Variants in ASIC5 observed in about 807,000 individuals in gnomAD.
ASIC5 encodes bile acid-sensitive ion channel.
In ASIC5, 52 loss-of-function variants were observed where a neutral mutation model predicts 51.2. The ratio of observed to expected loss-of-function variants is 1.02; its 90% CI spans 0.81 to 1.28. ASIC5 has a LOEUF of 1.28. ASIC5 is among the 50% of genes most tolerant of loss of function. The pLI is 0.00. For missense variants in ASIC5, 635 were observed against 595.0 expected (o/e 1.07, Z -0.70); for synonymous variants, 231 against 200.7 (o/e 1.15, Z -1.28).
rs192229530 is a variant in ASIC5 at position 155,862,889 on chromosome 4, G to T, written c.347+559C>A. Among the ~76,000 whole-genome samples, 8 of 152,240 alleles carry T rather than the reference G, an allele frequency of 5.3e-5. No homozygotes were observed. In the East Asian group the frequency reaches 1.4e-3, roughly 26 times the overall value. On this transcript the variant is annotated intron_variant, in intron 2 of 9. Transcript: ENST00000537611. ...AGCTGTAATCATCTTTTAATACCCAGATTTCCATAACACCCAAGATGGAGA... is the reference window on the plus strand; with the variant it reads ...AGCTGTAATCATCTTTTAATACCCATATTTCCATAACACCCAAGATGGAGA...
intron 4 of ASIC5, 66 bp from the exon 5 acceptor site, chr4:155,843,896 A>T: frequency 1.4e-6 from 2 of 1,475,704 alleles, no homozygotes; most frequent in Non-Finnish European, 1.9e-6. Context: ...CAAGTTTAGG[A>T]TTTAGTTTTA....
At chr4:155,833,727 C>G (rs957055234) in intron 8 of ASIC5, among the ~76,000 whole-genome samples, 11 of 152,164 alleles carry the variant, frequency 7.2e-5, no homozygotes, top group African/African-American at 2.4e-4. Flanking sequence ...CAAGCATTAT[C>G]CACCTGTGAT....
At chr4:155,865,313 A>G (rs1166410539) in intron 1 of ASIC5, among the ~76,000 whole-genome samples, 1 of 152,144 alleles carries the variant, frequency 6.6e-6, no homozygotes, top group Non-Finnish European at 1.5e-5. Flanking sequence ...ATAATCCCAG[A>G]GAAAAATCAG....
At chr4:155,845,976 T>C (rs1741233475) in intron 4 of ASIC5, among the ~76,000 whole-genome samples, 1 of 152,090 alleles carries the variant, frequency 6.6e-6, no homozygotes, top group African/African-American at 2.4e-5. Context: ...TGTACCTTTA[T>C]TGGCATACCT....
chr4:155,857,720 C>A (rs906874236), intron 2 of ASIC5, among the ~76,000 whole-genome samples: 2 of 151,984 alleles, frequency 1.3e-5, no homozygotes, highest in Admixed American at 6.6e-5. Flanking sequence ...TTATTTGAGT[C>A]CTGCCAAAAC....
intron 4 of ASIC5, among the ~76,000 whole-genome samples, chr4:155,849,627 T>C (rs1741333009): frequency 6.6e-6 from 1 of 152,078 alleles, no homozygotes; most frequent in Non-Finnish European, 1.5e-5. Flanking sequence ...TGCCCAGTGT[T>C]TTTCAATTTT....
chr4:155,861,545 C>T (rs1015923292), intron 2 of ASIC5, among the ~76,000 whole-genome samples: 4 of 151,800 alleles, frequency 2.6e-5, no homozygotes, highest in African/African-American at 7.3e-5. Context: ...TTACTTTTAA[C>T]CCATTTGCAT....
intron 6 of ASIC5, among the ~76,000 whole-genome samples, chr4:155,841,189 A>C (rs1427763120): frequency 6.6e-6 from 1 of 152,182 alleles, no homozygotes; most frequent in Non-Finnish European, 1.5e-5. Flanking sequence ...AGCTCTGTCT[A>C]GGCAGCAGGC....
chr4:155,865,076 A>T (rs1213285130), intron 1 of ASIC5: 1 of 152,034 alleles, frequency 6.6e-6, no homozygotes, highest in Non-Finnish European at 1.5e-5. Context: ...CAGTTATAGG[A>T]CATATGCTAT....
At chr4:155,853,340 G>C (rs981251972) in intron 3 of ASIC5, among the ~76,000 whole-genome samples, 2 of 151,834 alleles carry the variant, frequency 1.3e-5, no homozygotes, top group African/African-American at 4.8e-5. Context: ...GAAGAACAAA[G>C]AATTTGTGTT....
intron 2 of ASIC5, among the ~76,000 whole-genome samples, chr4:155,857,857 C>A (rs964034022): frequency 2.0e-5 from 3 of 152,162 alleles, no homozygotes; most frequent in South Asian, 4.1e-4. Context: ...ACTAATGAAA[C>A]CTTTGTTGTG....
intron 2 of ASIC5, among the ~76,000 whole-genome samples, chr4:155,856,521 ACT>A (rs1741544518): frequency 6.6e-6 from 1 of 151,924 alleles, no homozygotes; most frequent in East Asian, 1.9e-4. Flanking sequence ...AGGTCCTAAA[ACT>A]CTGTAAATAT....
In ASIC5 at chr4:155,842,329, C is replaced by T. The variant is rs774833488; in HGVS notation, c.887G>A (p.Gly296Glu). 1.2e-6 allele frequency: 2 copies of T among 1,612,938 alleles called. No homozygotes were observed. The highest frequency in any genetic ancestry group is 3.3e-5 in the Admixed American group (2 of 59,872). Residue 296 changes from glycine to glutamate, a missense_variant, in exon 6 of 10, where the codon GGA (glycine) becomes GAA (glutamate). Coordinates refer to ENST00000537611, the MANE Select transcript of ASIC5 (RefSeq NM_017419.3). Reference protein sequence around the residue: ...VKTVHQEYPWGECNPNIKLQN... With the variant: ...VKTVHQEYPWEECNPNIKLQN... Reference sequence around the variant, plus strand: ...CAGCTTGATGTTAGGATTGCATTCTCCCCAAGGGTATTCTTGATGAACTGT... The same window carrying T: ...CAGCTTGATGTTAGGATTGCATTCTTCCCAAGGGTATTCTTGATGAACTGT...
chr4:155,863,464 A>G lies in ASIC5; in HGVS notation c.331T>C (p.Phe111Leu), dbSNP rs1741767488. 10 of 1,611,086 alleles carry G rather than the reference A, an allele frequency of 6.2e-6. No individual in the cohort carries two copies. Among genetic ancestry groups the G allele is most frequent in the Non-Finnish European group, 8.5e-6 (10 of 1,177,868 alleles). ...AATTTTTACCTGTTCAAATTACAAA[A>G]TGTCACAGCTGGGAACTCCATCTTT... is the stretch of plus-strand genomic sequence containing the variant. ...VEKMEFPAVT[F>L]CNLNRFQTDA... Residue 111 changes from phenylalanine to leucine, a missense_variant, in exon 2 of 10, where the codon TTT (phenylalanine) becomes CTT (leucine). By Grantham distance (22) the Phe-to-Leu change is conservative (BLOSUM62 0). Transcript: ENST00000537611.
At chr4:155,863,983 G>T (rs1419270245) in intron 1 of ASIC5, among the ~76,000 whole-genome samples, 1 of 152,132 alleles carries the variant, frequency 6.6e-6, no homozygotes, top group Admixed American at 6.6e-5. Context: ...TCATAGAACG[G>T]CTATTATTAA....
chr4:155,856,377 A>G (rs1217895260), intron 2 of ASIC5, among the ~76,000 whole-genome samples: 1 of 152,122 alleles, frequency 6.6e-6, no homozygotes, highest in Non-Finnish European at 1.5e-5. Context: ...GGTAGGGCAT[A>G]CACAAAACAC....
At chr4:155,866,137 C>T (rs1327729485) in intron 1 of ASIC5, 50 bp downstream of exon 1, 2 of 1,220,952 alleles carry the variant, frequency 1.6e-6, no homozygotes, top group Middle Eastern at 1.9e-4. Flanking sequence ...TACTTCTGGC[C>T]TCTAGAAATG....
chr4:155,842,392 T>C (rs781019541), intron 5 of ASIC5, 38 bp from the exon 6 acceptor site: 7 of 1,508,006 alleles, frequency 4.6e-6, no homozygotes, highest in Admixed American at 3.9e-5. Context: ...GGAGATGTGT[T>C]TACATCAATT....
chr4:155,833,645 A>G (rs1740918586), intron 8 of ASIC5, among the ~76,000 whole-genome samples: 2 of 152,188 alleles, frequency 1.3e-5, no homozygotes, highest in Admixed American at 6.5e-5. Flanking sequence ...TTTGTCCCCC[A>G]TTGTGCTCCT....
Sources: allele counts gnomAD v4.1 joint callset (sites outside exome capture counted in the v4.1 genomes callset), GRCh38; gene constraint gnomAD v4.1.1; transcripts MANE v1.5; gene names NCBI Gene and HGNC (gene_info 2026-07-23, HGNC 2026-07-21).